Variants in FGF13 observed in about 807,000 individuals in gnomAD.
FGF13 encodes fibroblast growth factor 13.
In FGF13, 2 loss-of-function variants were observed where a neutral mutation model predicts 19.5. The observed-to-expected ratio is 0.10, with a 90% CI of 0.04 to 0.32. The LOEUF is 0.32. Among genes scored for constraint, FGF13 ranks in the 10% least tolerant of loss-of-function variants. The pLI, the probability that FGF13 is intolerant of heterozygous loss-of-function variation, is 1.00. For missense variants in FGF13, 113 were observed against 192.7 expected, an observed-to-expected ratio of 0.59 and a Z score of 2.45; for synonymous variants, 72 against 76.9, an observed-to-expected ratio of 0.94 and a Z score of 0.33.
intron 3 of FGF13, among the ~76,000 whole-genome samples, chrX:138,744,627 A>G (rs988889964): frequency 1.2e-4 from 13 of 110,968 alleles, no homozygotes; most frequent in African/African-American, 3.3e-4. Flanking sequence ...CATTTTTGTG[A>G]AAACAGATCA....
Position 138,621,178 on chromosome X carries a change from G to A in FGF13, c.*11672C>T, listed in dbSNP as rs897676552. On this transcript the variant is annotated 3_prime_UTR_variant, in exon 5 of 5. Coordinates refer to ENST00000315930, the MANE Select transcript of FGF13 (RefSeq NM_004114.5). ...TCCAAAAGCAATAGAATGTACATTC[G>A]TCCCAAGTAATTGCGCAGGTACATT... 9.0e-6 allele frequency: 1 copy of A among 111,422 alleles called. No homozygotes were observed. The highest frequency in any genetic ancestry group is 1.9e-5 in the Non-Finnish European group (1 of 53,048). The allele number at this position is 111,422 out of a possible 1,213,427, so 9.2% of individuals were successfully genotyped here.
chrX:139,039,097 C>G (rs2092260442), intron 1 of FGF13, among the ~76,000 whole-genome samples: 1 of 112,026 alleles, frequency 8.9e-6, no homozygotes, highest in East Asian at 2.8e-4. Context: ...CTGGGTGGCT[C>G]TTGCTAAAAA....
intron 1 of FGF13, among the ~76,000 whole-genome samples, chrX:139,104,654 C>T (rs1004039710): frequency 8.1e-5 from 9 of 111,511 alleles, no homozygotes; most frequent in Non-Finnish European, 1.1e-4. Flanking sequence ...GGCTTGAAGA[C>T]GAAGATCAGG....
intron 3 of FGF13, among the ~76,000 whole-genome samples, chrX:138,656,792 G>A (rs1172631859): frequency 8.9e-6 from 1 of 111,824 alleles, no homozygotes; most frequent in Admixed American, 9.5e-5. Flanking sequence ...CTACTAAAGT[G>A]TGAAACAAAT....
At chrX:138,807,701 C>T (rs1453608701) in intron 3 of FGF13, among the ~76,000 whole-genome samples, 5 of 111,497 alleles carry the variant, frequency 4.5e-5, no homozygotes, top group African/African-American at 1.6e-4. Context: ...GGAGACCCAT[C>T]TCATGTGCAG....
At chrX:138,916,202 AGT>A (rs1275472897) in intron 1 of FGF13, among the ~76,000 whole-genome samples, 1 of 111,690 alleles carries the variant, frequency 9.0e-6, no homozygotes, top group Non-Finnish European at 1.9e-5. Context: ...TCACTCTCCA[AGT>A]CTAGGATAGC....
intron 1 of FGF13, among the ~76,000 whole-genome samples, chrX:139,000,365 G>T (rs1244735431): frequency 1.8e-5 from 2 of 111,685 alleles, no homozygotes; most frequent in African/African-American, 6.5e-5. Flanking sequence ...GAGATAAAGG[G>T]TATTCAAACA....
intron 1 of FGF13, among the ~76,000 whole-genome samples, chrX:138,897,793 T>C (rs1163928196): frequency 9.0e-6 from 1 of 111,624 alleles, no homozygotes. Flanking sequence ...TGATCAGCCA[T>C]GGCAATTTGT....
At chrX:138,808,682 C>A (rs778753725) in intron 3 of FGF13, among the ~76,000 whole-genome samples, 7,871 of 109,616 alleles carry the variant, frequency 0.072, 641 homozygotes, top group African/African-American at 0.23. Flanking sequence ...AACAAAATCA[C>A]TAACAAGATC....
chrX:139,083,218 C>T (rs1332216592), intron 1 of FGF13, among the ~76,000 whole-genome samples: 1 of 110,684 alleles, frequency 9.0e-6, no homozygotes, highest in Non-Finnish European at 1.9e-5. Context: ...ATTTTTCTCC[C>T]GTCTCATATT....
At chrX:138,996,239 G>A (rs975323940) in intron 1 of FGF13, among the ~76,000 whole-genome samples, 2 of 112,488 alleles carry the variant, frequency 1.8e-5, no homozygotes, top group Admixed American at 9.4e-5. Context: ...CACCTCACCC[G>A]GGAAGTGCAA....
At chrX:138,836,584 C>T (rs183462590) in intron 3 of FGF13, among the ~76,000 whole-genome samples, 29 of 111,794 alleles carry the variant, frequency 2.6e-4, no homozygotes, top group Non-Finnish European at 4.7e-4. Context: ...CTGTCAGCTC[C>T]GGCAATGCTT....
intron 3 of FGF13, among the ~76,000 whole-genome samples, chrX:138,848,729 C>T (rs772303232): frequency 9.0e-6 from 1 of 111,445 alleles, no homozygotes; most frequent in East Asian, 2.8e-4. Context: ...TGAGCTCAGG[C>T]GTCAGTAGTA....
At chrX:139,064,878 C>G (rs2092349828) in intron 1 of FGF13, among the ~76,000 whole-genome samples, 1 of 111,370 alleles carries the variant, frequency 9.0e-6, no homozygotes, top group South Asian at 3.8e-4. Context: ...TCTTTTCATT[C>G]TTTTTTCTCT....
chrX:139,144,477 G>A lies in FGF13; in HGVS notation c.-113+58939C>T, dbSNP rs186854897. On this transcript the variant is annotated intron_variant, in intron 1 of 2. Coordinates refer to the FGF13 transcript ENST00000421460. The stretch of plus-strand genomic sequence containing the variant: ...TCAAGCCATATCACTTTCTCCAGAA[G>A]ACCCCCCTGACATGCACTGCAGTCA... Among the ~76,000 whole-genome samples, 29 of 111,392 alleles carry A rather than the reference G, an allele frequency of 2.6e-4. No individual in the cohort carries two copies. In the East Asian group the frequency reaches 7.4e-3, roughly 28 times the overall value.
intron 1 of FGF13, among the ~76,000 whole-genome samples, chrX:139,010,331 C>T (rs1159490077): frequency 9.0e-6 from 1 of 111,267 alleles, no homozygotes; most frequent in African/African-American, 3.3e-5. Flanking sequence ...GACATTCTAC[C>T]CAACAACTGT....
chrX:138,892,115 G>T (rs766006910), intron 1 of FGF13, among the ~76,000 whole-genome samples: 3 of 110,034 alleles, frequency 2.7e-5, no homozygotes, highest in Non-Finnish European at 5.7e-5. Flanking sequence ...TGATGTCCAA[G>T]TCTTATCTTC....
intron 1 of FGF13, among the ~76,000 whole-genome samples, chrX:138,878,600 C>A (rs1394713341): frequency 1.9e-5 from 2 of 107,009 alleles, no homozygotes; most frequent in African/African-American, 3.5e-5. Context: ...TGAATAGTGC[C>A]GCAATAAACA....
In FGF13 at chrX:139,164,721, A is replaced by AAATG. The variant is rs71713283; in HGVS notation, c.-113+38691_-113+38694dup. 5.5e-5 allele frequency among the ~76,000 whole-genome samples: 6 copies of AAATG among 109,308 alleles called. No individual in the cohort carries two copies. In the East Asian group the frequency reaches 1.4e-3, roughly 26 times the overall value. The allele number at this position is 109,308 out of a possible 115,157, so 94.9% of individuals were successfully genotyped here. ...TAAATAAATAAATAAATAAATAAAT[A>AAATG]AATGAATGGAGAATTCTATTAAAAA... is the stretch of plus-strand genomic sequence containing the variant. On this transcript the variant is annotated intron_variant, in intron 1 of 2. Coordinates refer to the FGF13 transcript ENST00000421460.
Sources: gnomAD v4.1 joint callset for allele counts (sites outside exome capture counted in the v4.1 genomes callset) on GRCh38, gnomAD v4.1.1 for gene constraint, MANE v1.5 for transcripts, NCBI Gene and HGNC (gene_info 2026-07-23, HGNC 2026-07-21) for gene names.